The following DUSP12 variants were observed in gnomAD, a reference collection of about 807,000 sequenced individuals.
DUSP12 encodes dual specificity protein phosphatase 12.
Under a neutral mutation model 38.9 loss-of-function variants are expected in DUSP12, and 25 were observed. The observed-to-expected ratio is 0.64, with a 90% CI of 0.47 to 0.90. DUSP12 has a LOEUF of 0.90. Ranked by LOEUF, DUSP12 falls within the 40% of genes least tolerant of loss-of-function variation. DUSP12 has a pLI of 0.00. For missense variants in DUSP12, 403 were observed against 427.0 expected (o/e 0.94, Z 0.50); for synonymous variants, 153 against 153.9 (o/e 0.99, Z 0.05).
At chr1:161,750,242 G>A (rs1213847299) in intron 1 of DUSP12, 97 bp downstream of exon 1, 8 of 1,363,372 alleles carry the variant, frequency 5.9e-6, no homozygotes, top group Admixed American at 2.5e-5. Context: ...ACAAGAGCGC[G>A]GTCATGCCGC....
In DUSP12 at chr1:161,752,434, A is replaced by G. The variant is rs752542802; in HGVS notation, c.644A>G (p.Asp215Gly). 1.2e-6 allele frequency: 2 copies of G among 1,612,786 alleles called. No individual in the cohort carries two copies. The highest frequency in any genetic ancestry group is 1.7e-5 in the Admixed American group (1 of 60,002). ...ACTACCGTTTCACAAGGATTGAAAGATGAGGTTCTCTACAAGTGTAGAAAG... is the reference window on the plus strand; with the variant it reads ...ACTACCGTTTCACAAGGATTGAAAGGTGAGGTTCTCTACAAGTGTAGAAAG... ...DPTTVSQGLK[D>G]EVLYKCRKCR... The change falls in exon 4 of 6, where the codon GAT (aspartate) becomes GGT (glycine). Residue 215 changes from aspartate to glycine, a missense_variant. Coordinates refer to ENST00000367943, the MANE Select transcript of DUSP12 (RefSeq NM_007240.3).
chr1:161,750,170 C>T (rs376605389), intron 1 of DUSP12, 25 bp downstream of exon 1: 1 of 1,585,274 alleles, frequency 6.3e-7, no homozygotes, highest in South Asian at 1.1e-5. Flanking sequence ...CAGTGGGTGA[C>T]GTGCCCCGCC....
In DUSP12 at chr1:161,752,348, AT is replaced by A; in HGVS notation, c.578-16del. The A allele has an allele frequency of 1.3e-6, 2 of 1,533,810 alleles. No individual in the cohort carries two copies. Among genetic ancestry groups the A allele is most frequent in the Non-Finnish European group, 1.8e-6 (2 of 1,114,150 alleles). On this transcript the variant is annotated intron_variant, in intron 3 of 5. Coordinates refer to ENST00000367943, the MANE Select transcript of DUSP12 (RefSeq NM_007240.3). The stretch of plus-strand genomic sequence containing the variant: ...AGAGTTGATTTTGACAAATAAATAC[AT>A]TTTAATTATGTCATATAGAATTGCA...
rs534511782 is a variant in DUSP12, at chr1:161,754,577, A to T, written c.861+1316A>T. 7.2e-5 allele frequency among the ~76,000 whole-genome samples: 11 copies of T among 152,300 alleles called. No homozygotes were observed. In the South Asian group the frequency reaches 1.2e-3, roughly 17 times the overall value. ...GCCTCAGGAAACTTATTATCATGGC[A>T]GAAGGGAAAGCAGGCCACTTCTTCA... is the stretch of plus-strand genomic sequence containing the variant. On this transcript the variant is annotated intron_variant, in intron 5 of 5. Transcript: ENST00000367943.
chr1:161,750,559 C>G (rs72706014), intron 1 of DUSP12, among the ~76,000 whole-genome samples: 5,305 of 152,070 alleles, frequency 0.035, 119 homozygotes, highest in Non-Finnish European at 0.056. Context: ...GGATGGGTGG[C>G]GGGTGGTTGA....
intron 5 of DUSP12, among the ~76,000 whole-genome samples, chr1:161,753,816 GTC>G (rs1422518733): frequency 7.1e-6 from 1 of 141,776 alleles, no homozygotes; most frequent in Non-Finnish European, 1.6e-5. Flanking sequence ...TAAAAATTCT[GTC>G]TTTCTTTTTC....
intron 1 of DUSP12, 38 bp downstream of exon 1, chr1:161,750,183 G>A: frequency 6.3e-7 from 1 of 1,578,388 alleles, no homozygotes; most frequent in South Asian, 1.1e-5. Context: ...GCCCCGCCAA[G>A]CTTCCAGCCG....
chr1:161,754,454 T>G (rs1684079020), intron 5 of DUSP12, among the ~76,000 whole-genome samples: 1 of 152,200 alleles, frequency 6.6e-6, no homozygotes, highest in Admixed American at 6.5e-5. Flanking sequence ...CATCGTGTAT[T>G]AGTCTATTTT....
intron 5 of DUSP12, among the ~76,000 whole-genome samples, chr1:161,754,133 G>A (rs1684073234): frequency 6.6e-6 from 1 of 152,072 alleles, no homozygotes. Context: ...AAGTTTGTAT[G>A]GTTTGTATAA....
chr1:161,752,956 C>G, intron 4 of DUSP12, 119 bp from the exon 5 acceptor site: 1 of 1,067,314 alleles, frequency 9.4e-7, no homozygotes, highest in Non-Finnish European at 1.3e-6. Flanking sequence ...CGCCACTGCA[C>G]TCTAGCATGG....
chr1:161,750,004 C>CG lies in DUSP12; in HGVS notation c.207dup (p.Pro70AlafsTer38), dbSNP rs1346363950. The stretch of plus-strand genomic sequence containing the variant: ...GACTCGGAGGAGCCCAGCTTCAAGG[C>CG]GGGGCCTGGGGTCGAGGATCTATGG... On this transcript the variant is annotated frameshift_variant, in exon 1 of 6. Coordinates refer to ENST00000367943, the MANE Select transcript of DUSP12 (RefSeq NM_007240.3). LOFTEE classifies it high-confidence loss of function. The CG allele has an allele frequency of 2.5e-6, 4 of 1,613,956 alleles. No individual in the cohort carries two copies. In the Admixed American group the frequency reaches 5.0e-5, roughly 20 times the overall value.
At chr1:161,750,297 AGAG>A (rs1683997132) in intron 1 of DUSP12, 152 bp downstream of exon 1, 1 of 834,848 alleles carries the variant, frequency 1.2e-6, no homozygotes, top group Non-Finnish European at 1.8e-6. Flanking sequence ...TGTTTCCAAG[AGAG>A]GAGGAGGGTT....
Position 161,749,834 on chromosome 1 carries a change from C to A in DUSP12, c.33C>A (p.Cys11Ter). The A allele has an allele frequency of 1.3e-6, 2 of 1,593,368 alleles. No homozygotes were observed. The highest frequency in any genetic ancestry group is 1.7e-6 in the Non-Finnish European group (2 of 1,170,530). Residue 11 changes from cysteine to a stop codon, truncating the protein, a stop_gained, in exon 1 of 6, where the codon TGC becomes TGA. Transcript: ENST00000367943. LOFTEE classifies it high-confidence loss of function. MLEAPGPSDGCELSNPSASRV... is the reference protein window; with the variant it reads MLEAPGPSDG ...AGGCTCCGGGCCCGAGTGATGGCTG[C>A]GAGCTCAGCAACCCCAGCGCCAGCA...
intron 5 of DUSP12, among the ~76,000 whole-genome samples, chr1:161,753,623 G>C (rs1438495568): frequency 6.6e-6 from 1 of 152,040 alleles, no homozygotes; most frequent in Non-Finnish European, 1.5e-5. Context: ...ACTTTGGGAG[G>C]CTGAGGCGGG....
chr1:161,753,006 C>A, intron 4 of DUSP12, 69 bp from the exon 5 acceptor site: 2 of 1,310,392 alleles, frequency 1.5e-6, no homozygotes, highest in Non-Finnish European at 2.1e-6. Flanking sequence ...AAAAGAAATA[C>A]CGCACATTTC....
chr1:161,752,014 C>A, intron 3 of DUSP12, 30 bp downstream of exon 3: 1 of 1,393,660 alleles, frequency 7.2e-7, no homozygotes, highest in Non-Finnish European at 1.0e-6. Flanking sequence ...GTGTAATGGG[C>A]TTTCTAGATG....
chr1:161,751,885 TG>T lies in DUSP12; in HGVS notation c.480del (p.Trp160CysfsTer3), dbSNP rs781667493. ...PEAKMNEGFE[W>X]QLKLYQAMGY... ...TTACAGGATGAATGAGGGGTTTGAGTGGCAACTGAAATTATACCAGGCAATG... is the reference window on the plus strand; with the variant it reads ...TTACAGGATGAATGAGGGGTTTGAGTGCAACTGAAATTATACCAGGCAATG... On this transcript the variant is annotated frameshift_variant, in exon 3 of 6. Coordinates refer to ENST00000367943, the MANE Select transcript of DUSP12 (RefSeq NM_007240.3). LOFTEE classifies it high-confidence loss of function. 2.5e-6 allele frequency: 4 copies of T among 1,612,764 alleles called. No individual in the cohort carries two copies. In the African/African-American group the frequency reaches 5.3e-5, roughly 22 times the overall value.
At chr1:161,756,386 CAGTT>C (rs1009971238) in intron 5 of DUSP12, among the ~76,000 whole-genome samples, 5 of 151,546 alleles carry the variant, frequency 3.3e-5, no homozygotes, top group Admixed American at 6.6e-5. Flanking sequence ...TCAATACACA[CAGTT>C]AGTAATACAG....
At chr1:161,751,480 G>GATCAA (rs1684017458) in intron 1 of DUSP12, 188 bp from the exon 2 acceptor site, 1 of 672,684 alleles carries the variant, frequency 1.5e-6, no homozygotes, top group East Asian at 2.9e-5. Context: ...GATTCACGTG[G>GATCAA]TTCAGAATTC....
Sources: allele counts gnomAD v4.1 joint callset (sites outside exome capture counted in the v4.1 genomes callset), GRCh38; gene constraint gnomAD v4.1.1; transcripts MANE v1.5; gene names NCBI Gene and HGNC (gene_info 2026-07-23, HGNC 2026-07-21).